The following RFX5 variants were observed in gnomAD, a reference collection of about 807,000 sequenced individuals.
RFX5 encodes the protein DNA-binding protein RFX5.
RFX5 carries 30 observed loss-of-function variants against 41.2 expected under a neutral mutation model. The ratio of observed to expected loss-of-function variants is 0.73; its 90% CI spans 0.54 to 0.99. The LOEUF is 0.99. Ranked by LOEUF, RFX5 falls within the 50% of genes least tolerant of loss-of-function variation. The pLI, the probability that RFX5 is intolerant of heterozygous loss-of-function variation, is 0.00. For missense variants in RFX5, 715 were observed against 773.6 expected (o/e 0.92, Z 0.90); for synonymous variants, 231 against 291.8 (o/e 0.79, Z 2.12).
Position 151,344,202 on chromosome 1 carries a change from C to T in RFX5, c.550G>A (p.Glu184Lys). The change falls in exon 8 of 11, where the codon GAG becomes AAG. Residue 184 changes from glutamate to lysine, a missense_variant. Physicochemically the swap from Glu to Lys is moderately conservative, Grantham distance 56. Coordinates refer to ENST00000452671, the MANE Select transcript of RFX5 (RefSeq NM_001025603.2). ...PLPGLDLKGS[E>K]SPEMGPEVTP... ...GAAGGTGATTTGGTACTTACACTCT[C>T]AGAACCCTTTAGGTCAAGTCCAGGC... 6.2e-7 allele frequency: 1 copy of T among 1,614,180 alleles called. No homozygotes were observed. Among genetic ancestry groups the T allele is most frequent in the Non-Finnish European group, 8.5e-7 (1 of 1,180,000 alleles).
Position 151,344,476 on chromosome 1 carries a change from G to C in RFX5, c.414C>G (p.Ile138Met). Reference protein sequence around the residue: ...RPLSTANFGKIIREIFPDIKA... With the variant: ...RPLSTANFGKMIREIFPDIKA... ...TGATGTCAGGGAAGATCTCTCTGAT[G>C]ATCTTGCCAAAGTTGGCTGTGCTGA... The change falls in exon 7 of 11, where the codon ATC (isoleucine) becomes ATG (methionine). Residue 138 changes from isoleucine to methionine, a missense_variant. Ile to Met is a conservative substitution (Grantham distance 10). Coordinates refer to ENST00000452671, the MANE Select transcript of RFX5 (RefSeq NM_001025603.2). The C allele has an allele frequency of 6.2e-7, 1 of 1,614,180 alleles. No homozygotes were observed. Among genetic ancestry groups the C allele is most frequent in the Non-Finnish European group, 8.5e-7 (1 of 1,180,032 alleles).
rs1365570444 is a variant in RFX5, at chr1:151,344,066, C to T, written c.555+131G>A. ...TCCTCTGCCTCAGCTACAGGGTTGGCAGAAGGGAACATCATACCTAGAAGC... is the reference window on the plus strand; with the variant it reads ...TCCTCTGCCTCAGCTACAGGGTTGGTAGAAGGGAACATCATACCTAGAAGC... On this transcript the variant is annotated intron_variant, in intron 8 of 10. Transcript: ENST00000452671. 5.3e-6 allele frequency: 6 copies of T among 1,127,082 alleles called. No individual in the cohort carries two copies. The African/African-American group carries it at 9.2e-5, about 17-fold the overall frequency. 69.8% of individuals were successfully genotyped at this position (1,127,082 alleles called of 1,614,324 possible). A position where few individuals can be genotyped will look rare whatever the true frequency, so the allele number is the denominator to read the frequency against.
rs772479347 is a variant in RFX5 at position 151,343,357 on chromosome 1, T to C, written c.843A>G (p.Pro281=). The C allele has an allele frequency of 6.2e-6, 10 of 1,613,424 alleles. No homozygotes were observed. The highest frequency in any genetic ancestry group is 3.7e-4 in the Middle Eastern group (2 of 5,420). ...ACTTCCTTACCTGGGCCAGTCTCTC[T>C]GGCTTCTTGTGGGCTCCACCCTCTG... ...ENPEGGAHKK[P]ERLAQPPKDL... The change falls in exon 10 of 11, where the codon CCA becomes CCG. Residue 281 remains proline, a synonymous_variant. Coordinates refer to ENST00000452671, the MANE Select transcript of RFX5 (RefSeq NM_001025603.2).
chr1:151,345,151 T>C lies in RFX5; in HGVS notation c.188A>G (p.Tyr63Cys), dbSNP rs768676519. 2.5e-6 allele frequency: 4 copies of C among 1,614,070 alleles called. No individual in the cohort carries two copies. The highest frequency in any genetic ancestry group is 2.2e-5 in the East Asian group (1 of 44,886). The change falls in exon 5 of 11, where the codon TAT (tyrosine) becomes TGT (cysteine). Residue 63 changes from tyrosine to cysteine, a missense_variant. Coordinates refer to ENST00000452671, the MANE Select transcript of RFX5 (RefSeq NM_001025603.2). The part of the protein sequence containing the change: ...VQKFSDNDKL[Y>C]LYLQLPSGPT... Reference sequence around the variant, plus strand: ...TCCTGAGGGGAGCTGAAGGTAGAGATACAGCTTGTCATTGTCAGAAAATTT... The same window carrying C: ...TCCTGAGGGGAGCTGAAGGTAGAGACACAGCTTGTCATTGTCAGAAAATTT...
chr1:151,342,591 G>A lies in RFX5; in HGVS notation c.1446C>T (p.Thr482=). Residue 482 remains threonine (T), a synonymous_variant, in exon 11 of 11, where the codon ACC becomes ACT. Coordinates refer to ENST00000452671, the MANE Select transcript of RFX5 (RefSeq NM_001025603.2). ...CCATGGCAGCTGCTGACTTGAGAGG[G>A]GTAGAATTCCTTTCCCCACTTCCAC... ...KSGGSGERNS[T]PLKSAAAMES... The A allele has an allele frequency of 1.9e-6, 3 of 1,614,164 alleles. No individual in the cohort carries two copies. Among genetic ancestry groups the A allele is most frequent in the Non-Finnish European group, 1.7e-6 (2 of 1,180,036 alleles).
chr1:151,340,964 C>T lies in RFX5; in HGVS notation c.*1222G>A, dbSNP rs1650399613. ...TGCATTCCTTTCTCATTGGTGCCGCCTGACCACAGAACTAGCTTTTTCCGT... is the reference window on the plus strand; with the variant it reads ...TGCATTCCTTTCTCATTGGTGCCGCTTGACCACAGAACTAGCTTTTTCCGT... On this transcript the variant is annotated 3_prime_UTR_variant, in exon 11 of 11. Coordinates refer to ENST00000452671, the MANE Select transcript of RFX5 (RefSeq NM_001025603.2). The T allele has an allele frequency of 6.6e-6, 1 of 152,660 alleles. No homozygotes were observed. 9.5% of individuals were successfully genotyped at this position (152,660 alleles called of 1,614,324 possible).
At chr1:151,344,612 T>A in intron 6 of RFX5, 76 bp from the exon 7 acceptor site, 1 of 1,609,488 alleles carries the variant, frequency 6.2e-7, no homozygotes, top group Non-Finnish European at 8.5e-7. Context: ...TCCCTAGGGA[T>A]CAAGTGTGAG....
intron 8 of RFX5, 29 bp from the exon 9 acceptor site, chr1:151,343,911 C>T: frequency 6.2e-7 from 1 of 1,607,830 alleles, no homozygotes; most frequent in Non-Finnish European, 8.5e-7. Context: ...TGCCCAATCA[C>T]ACTCCAAATT....
chr1:151,346,496 G>A lies in RFX5; in HGVS notation c.-21C>T. 2 of 600,708 alleles carry A rather than the reference G, an allele frequency of 3.3e-6. No homozygotes were observed. The highest frequency in any genetic ancestry group is 5.9e-6 in the Non-Finnish European group (2 of 339,078). 37.2% of individuals were successfully genotyped at this position (600,708 alleles called of 1,614,324 possible). ...CTTTTTCTCACCACTTGCCTTCTCC[G>A]AAAATTAGAAATTATTCCATTACTT... On this transcript the variant is annotated 5_prime_UTR_variant, in exon 2 of 11. Transcript: ENST00000452671.
At position 151,346,305 on chromosome 1, in the gene RFX5, G is replaced by A; in HGVS notation, c.16C>T (p.Pro6Ser). Residue 6 changes from proline to serine, a missense_variant, in exon 3 of 11, where the codon CCT (proline) becomes TCT (serine). Pro to Ser is a moderately conservative substitution (Grantham distance 74). Coordinates refer to ENST00000452671, the MANE Select transcript of RFX5 (RefSeq NM_001025603.2). MAEDE[P>S]DAKSPKTGGR... Reference sequence around the variant, plus strand: ...CCAGTCTTGGGGCTCTTAGCATCAGGCTCATCTTCTGCCATCCCGGCATGA... The same window carrying A: ...CCAGTCTTGGGGCTCTTAGCATCAGACTCATCTTCTGCCATCCCGGCATGA... The A allele has an allele frequency of 6.2e-7, 1 of 1,614,106 alleles. No homozygotes were observed. Among genetic ancestry groups the A allele is most frequent in the South Asian group, 1.1e-5 (1 of 91,080 alleles).
chr1:151,343,328 A>G lies in RFX5; in HGVS notation c.858+14T>C, dbSNP rs756507005. ...AGCCCAGGACAGCAAAGTCAGGGCCACTGACTTCCTTACCTGGGCCAGTCT... is the reference window on the plus strand; with the variant it reads ...AGCCCAGGACAGCAAAGTCAGGGCCGCTGACTTCCTTACCTGGGCCAGTCT... On this transcript the variant is annotated intron_variant, in intron 10 of 10. Transcript: ENST00000452671. The G allele has an allele frequency of 8.1e-6, 13 of 1,610,674 alleles. No individual in the cohort carries two copies. In the East Asian group the frequency reaches 2.7e-4, roughly 33 times the overall value.
At position 151,342,150 on chromosome 1, in the gene RFX5, C is replaced by T. The variant is rs554856422; in HGVS notation, c.*36G>A. The T allele has an allele frequency of 1.5e-5, 25 of 1,613,962 alleles. No homozygotes were observed. The highest frequency in any genetic ancestry group is 4.0e-5 in the African/African-American group (3 of 74,920). The stretch of plus-strand genomic sequence containing the variant: ...AAGGGCCTCTACTAGGCAAAGTTAA[C>T]GTAGGGATATAAACACTCTTCCCCA... On this transcript the variant is annotated 3_prime_UTR_variant, in exon 11 of 11. Transcript: ENST00000452671.
Position 151,344,710 on chromosome 1 carries a change from A to ACCCCCCCCCCC in RFX5, c.353+17_353+18insGGGGGGGGGGG. ...TGCCCACCAATCCACTCATCCCACC[A>ACCCCCCCCCCC]CCCACCCCTCCACCCACCGATAGGC... On this transcript the variant is annotated intron_variant, in intron 6 of 10. Coordinates refer to ENST00000452671, the MANE Select transcript of RFX5 (RefSeq NM_001025603.2). The ACCCCCCCCCCC allele has an allele frequency of 2.1e-6, 2 of 930,532 alleles. No individual in the cohort carries two copies. The highest frequency in any genetic ancestry group is 3.1e-6 in the Non-Finnish European group (2 of 636,456). 57.6% of individuals were successfully genotyped at this position (930,532 alleles called of 1,614,324 possible).
intron 5 of RFX5, 22 bp downstream of exon 5, chr1:151,345,084 C>T (rs750068690): frequency 6.2e-7 from 1 of 1,608,018 alleles, no homozygotes; most frequent in Non-Finnish European, 8.5e-7. Context: ...CCTCTGCCAT[C>T]TAAAACTACT....
At chr1:151,346,391 G>A (rs1183880750) in intron 2 of RFX5, 58 bp from the exon 3 acceptor site, 16 of 1,378,448 alleles carry the variant, frequency 1.2e-5, no homozygotes, top group Non-Finnish European at 1.5e-5. Context: ...CCCTTCCCCA[G>A]AAGGCCCCAG....
chr1:151,344,590 A>G, intron 6 of RFX5, 54 bp from the exon 7 acceptor site: 1 of 1,613,232 alleles, frequency 6.2e-7, no homozygotes, highest in Non-Finnish European at 8.5e-7. Flanking sequence ...GGCCATGGGT[A>G]GGCTCGAAGA....
At position 151,343,885 on chromosome 1, in the gene RFX5, G is replaced by A. The variant is rs755174176; in HGVS notation, c.556-3C>T. The A allele has an allele frequency of 1.9e-6, 3 of 1,612,988 alleles. No homozygotes were observed. The highest frequency in any genetic ancestry group is 2.5e-6 in the Non-Finnish European group (3 of 1,179,250). ...GTTACTTCTGGGCCCATTTCTGGCT[G>A]AAGTGGGGAAGGACATGCCCAATCA... On this transcript the variant is annotated splice_region_variant and splice_polypyrimidine_tract_variant and intron_variant, in intron 8 of 10. Coordinates refer to ENST00000452671, the MANE Select transcript of RFX5 (RefSeq NM_001025603.2).
At chr1:151,345,408 G>C in intron 4 of RFX5, 2 of 455,714 alleles carry the variant, frequency 4.4e-6, no homozygotes, top group Non-Finnish European at 8.2e-6. Flanking sequence ...AGGAGATCGA[G>C]ACCATCCTGG....
chr1:151,343,416 G>T lies in RFX5; in HGVS notation c.784C>A (p.Arg262=). The part of the protein sequence containing the change: ...AEEDEHAPRE[R]SSKPKNGLEN... The stretch of plus-strand genomic sequence containing the variant: ...AAACCATTCTTTGGTTTAGATGACC[G>T]TTCCCGAGGTGCATGTTCGTCCTCT... Residue 262 remains arginine (R), a synonymous_variant, in exon 10 of 11, where the codon CGG becomes AGG. Coordinates refer to ENST00000452671, the MANE Select transcript of RFX5 (RefSeq NM_001025603.2). 1.2e-6 allele frequency: 2 copies of T among 1,613,990 alleles called. No homozygotes were observed. Among genetic ancestry groups the T allele is most frequent in the Non-Finnish European group, 1.7e-6 (2 of 1,180,020 alleles).
Sources: gnomAD v4.1 joint callset for allele counts on GRCh38, gnomAD v4.1.1 for gene constraint, MANE v1.5 for transcripts, NCBI Gene and HGNC (gene_info 2026-07-23, HGNC 2026-07-21) for gene names.